The following XXYLT1 variants were observed in gnomAD, a reference collection of about 807,000 sequenced individuals.
XXYLT1 encodes UDP-xylose:alpha-xyloside alpha-1,3-xylosyltransferase.
XXYLT1 carries 20 observed loss-of-function variants against 28.9 expected under a neutral mutation model. The ratio of observed to expected loss-of-function variants is 0.69; its 90% confidence interval spans 0.49 to 1.00. The LOEUF (loss-of-function observed/expected upper bound fraction) is 1.00. Ranked by LOEUF, XXYLT1 falls within the 50% of genes least tolerant of loss-of-function variation. XXYLT1 has a pLI of 0.00. For missense variants in XXYLT1, 542 were observed against 560.1 expected, an observed-to-expected ratio of 0.97 and a Z score of 0.33; for synonymous variants, 257 against 253.8, an observed-to-expected ratio of 1.01 and a Z score of -0.12.
chr3:195,213,010 G>T (rs914801384), intron 2 of XXYLT1, among the ~76,000 whole-genome samples: 1 of 152,106 alleles, frequency 6.6e-6, no homozygotes, highest in Non-Finnish European at 1.5e-5. Flanking sequence ...CATGATCCAC[G>T]GAAAGTCCTC....
At chr3:195,232,629 T>C (rs1346314884) in intron 1 of XXYLT1, among the ~76,000 whole-genome samples, 1 of 152,210 alleles carries the variant, frequency 6.6e-6, no homozygotes, top group Non-Finnish European at 1.5e-5. Context: ...TCTTAACCTC[T>C]TCATTGACCA....
At chr3:195,261,922 T>C (rs1479292840) in intron 1 of XXYLT1, among the ~76,000 whole-genome samples, 1 of 152,202 alleles carries the variant, frequency 6.6e-6, no homozygotes, top group Non-Finnish European at 1.5e-5. Flanking sequence ...CTGGTGGGAA[T>C]GTAAAATGGT....
rs1480601195 is a variant in XXYLT1, at chr3:195,078,506, TC to T, written c.786-8396del. On this transcript the variant is annotated intron_variant, in intron 3 of 3. Coordinates refer to ENST00000310380, the MANE Select transcript of XXYLT1 (RefSeq NM_152531.5). This position sits in a 1 kb window ranked among gnomAD's most constrained non-coding sequence, Gnocchi z 5.0. ...CCTGGCCCTCTGGGCACGAGATGTG[TC>T]CCACCAAGTTCCCTCCAGCCTACCT... Among the ~76,000 whole-genome samples, 1 of 151,986 alleles carries T rather than the reference TC, an allele frequency of 6.6e-6. No individual in the cohort carries two copies. Among genetic ancestry groups the T allele is most frequent in the African/African-American group, 2.4e-5 (1 of 41,356 alleles).
chr3:195,225,190 A>G (rs141573350), intron 2 of XXYLT1, among the ~76,000 whole-genome samples: 10 of 152,302 alleles, frequency 6.6e-5, no homozygotes, highest in Non-Finnish European at 1.3e-4. Context: ...GTCACTGCAA[A>G]GGCTCACCAA....
Position 195,070,092 on chromosome 3 carries a change from G to A in XXYLT1, c.805C>T (p.Arg269Cys), listed in dbSNP as rs371629665. 20 of 1,575,082 alleles carry A rather than the reference G, an allele frequency of 1.3e-5. No individual in the cohort carries two copies. The highest frequency in any genetic ancestry group is 1.8e-5 in the Admixed American group (1 of 56,896). The change falls in exon 4 of 4, where the codon CGC (arginine) becomes TGC (cysteine). Residue 269 changes from arginine to cysteine, a missense_variant. By Grantham distance (180) the Arg-to-Cys change is radical (BLOSUM62 -3). Transcript: ENST00000310380. ...PVYRHTFWQF[R>C]HENPQTRVGG... ...ACCCGGGTCTGGGGGTTCTCATGGC[G>A]GAACTGCCAGAATGTGTGCCTGTGG...
chr3:195,120,009 G>A (rs1477684574), intron 3 of XXYLT1, among the ~76,000 whole-genome samples: 2 of 152,196 alleles, frequency 1.3e-5, no homozygotes, highest in African/African-American at 2.4e-5. Context: ...ATTCCTGCTC[G>A]TGACTGGGGT....
At chr3:195,164,990 G>C (rs1191696543) in intron 2 of XXYLT1, among the ~76,000 whole-genome samples, 1 of 152,086 alleles carries the variant, frequency 6.6e-6, no homozygotes. Context: ...TATTTCCAGT[G>C]AAAATTGGAG....
intron 3 of XXYLT1, among the ~76,000 whole-genome samples, chr3:195,088,155 G>A (rs570075559): frequency 6.1e-4 from 68 of 112,246 alleles, no homozygotes; most frequent in South Asian, 1.4e-3. Context: ...CAAAGCAGCC[G>A]GGAAGCTCGA....
chr3:195,195,874 G>A lies in XXYLT1; in HGVS notation c.652+30835C>T, dbSNP rs1722605087. Among the ~76,000 whole-genome samples, 2 of 152,186 alleles carry A rather than the reference G, an allele frequency of 1.3e-5. 1 individual carries two copies. The highest frequency in any genetic ancestry group is 4.1e-4 in the South Asian group (2 of 4,834). Reference sequence around the variant, plus strand: ...ATTGAAGTATCCAATGAGCTCCAGTGAGCCTGAGCCTGGTCAGGACCTCCA... The same window carrying A: ...ATTGAAGTATCCAATGAGCTCCAGTAAGCCTGAGCCTGGTCAGGACCTCCA... On this transcript the variant is annotated intron_variant, in intron 2 of 3. Coordinates refer to ENST00000310380, the MANE Select transcript of XXYLT1 (RefSeq NM_152531.5). This position sits in a 1 kb window ranked among gnomAD's most constrained non-coding sequence, Gnocchi z 4.4.
intron 3 of XXYLT1, among the ~76,000 whole-genome samples, chr3:195,071,741 A>C (rs756931819): frequency 6.6e-6 from 1 of 152,092 alleles, no homozygotes; most frequent in Non-Finnish European, 1.5e-5. Flanking sequence ...CCAGTGGTTC[A>C]TTTCAGGACC....
At position 195,173,116 on chromosome 3, in the gene XXYLT1, T is replaced by C. The variant is rs909408728; in HGVS notation, c.653-16535A>G. Among the ~76,000 whole-genome samples the C allele has an allele frequency of 5.9e-5, 9 of 152,176 alleles. No homozygotes were observed. The highest frequency in any genetic ancestry group is 2.2e-4 in the African/African-American group (9 of 41,436). On this transcript the variant is annotated intron_variant, in intron 2 of 3. Transcript: ENST00000310380. The surrounding 1 kb of genome is among the most constrained non-coding windows in gnomAD (Gnocchi z 4.3). The stretch of plus-strand genomic sequence containing the variant: ...TGATCCTGGCGTCCTGGTACACATC[T>C]TGCAAGTCCATCAGGAGCTCTGGCT...
In XXYLT1 at chr3:195,176,573, A is replaced by G. The variant is rs1170164895; in HGVS notation, c.653-19992T>C. 2.0e-5 allele frequency among the ~76,000 whole-genome samples: 3 copies of G among 152,146 alleles called. No individual in the cohort carries two copies. Among genetic ancestry groups the G allele is most frequent in the Admixed American group, 6.5e-5 (1 of 15,274 alleles). Reference sequence around the variant, plus strand: ...TCTGACACACTGGTATAATTTGATTAATTTATCGTGTTTATTAAGCTCCCT... The same window carrying G: ...TCTGACACACTGGTATAATTTGATTGATTTATCGTGTTTATTAAGCTCCCT... On this transcript the variant is annotated intron_variant, in intron 2 of 3. Coordinates refer to ENST00000310380, the MANE Select transcript of XXYLT1 (RefSeq NM_152531.5). This position sits in a 1 kb window ranked among gnomAD's most constrained non-coding sequence, Gnocchi z 4.9.
At chr3:195,138,399 A>AGG (rs1719306525) in intron 3 of XXYLT1, among the ~76,000 whole-genome samples, 1 of 152,178 alleles carries the variant, frequency 6.6e-6, no homozygotes, top group Admixed American at 6.5e-5. Context: ...GTCCTTGACT[A>AGG]ATAAGGTCAT....
intron 3 of XXYLT1, among the ~76,000 whole-genome samples, chr3:195,088,205 C>G (rs890246371): frequency 6.6e-6 from 1 of 151,498 alleles, no homozygotes; most frequent in Non-Finnish European, 1.5e-5. Context: ...GGCCTGCCTG[C>G]CTCTGTAGGC....
chr3:195,228,873 C>T (rs1040666225), intron 1 of XXYLT1, among the ~76,000 whole-genome samples: 3 of 150,928 alleles, frequency 2.0e-5, no homozygotes, highest in Admixed American at 6.6e-5. Flanking sequence ...AGTGCAGTGG[C>T]GTGATCTCGG....
Position 195,110,296 on chromosome 3 carries a change from T to TGTG in XXYLT1, c.786-40188_786-40186dup, listed in dbSNP as rs1264687547. 2.3e-3 allele frequency among the ~76,000 whole-genome samples: 14 copies of TGTG among 5,980 alleles called. 1 individual carries two copies. Among genetic ancestry groups the TGTG allele is most frequent in the African/African-American group, 3.1e-3 (5 of 1,638 alleles). The allele number at this position is 5,980 out of a possible 152,430, so 3.9% of individuals were successfully genotyped here. ...GGTGTGTGTGGGGTGTATGTGTGCG[T>TGTG]GTGTGGTATATGTGTGTGTGGGTGA... On this transcript the variant is annotated intron_variant, in intron 3 of 3. Transcript: ENST00000310380.
intron 1 of XXYLT1, among the ~76,000 whole-genome samples, chr3:195,237,004 A>C (rs184079215): frequency 3.2e-4 from 48 of 152,098 alleles, no homozygotes; most frequent in African/African-American, 1.1e-3. Context: ...CCTCTCCTCT[A>C]ACAGAAGGAG....
chr3:195,188,655 T>C (rs1722299885), intron 2 of XXYLT1, among the ~76,000 whole-genome samples: 1 of 152,208 alleles, frequency 6.6e-6, no homozygotes, highest in Admixed American at 6.5e-5. Context: ...AGAACCCTCT[T>C]GGGCTAAGCC....
rs887551010 is a variant in XXYLT1, at chr3:195,259,875, G to A, written c.504+10680C>T. 1.8e-5 allele frequency: 3 copies of A among 165,660 alleles called. No homozygotes were observed. The Admixed American group carries it at 2.0e-4, about 11-fold the overall frequency. The allele number at this position is 165,660 out of a possible 1,614,324, so 10.3% of individuals were successfully genotyped here. On this transcript the variant is annotated intron_variant, in intron 1 of 3. Transcript: ENST00000310380. ...TGACGGGGACCGGGCGGACTGGAAA[G>A]GATGTGGCTGGGGCCCCGGGGAGGA...
Sources: gnomAD v4.1 joint callset for allele counts (sites outside exome capture counted in the v4.1 genomes callset) on GRCh38, gnomAD v4.1.1 for gene constraint, Gnocchi (gnomAD v3.1) non-coding constraint, MANE v1.5 for transcripts, NCBI Gene and HGNC (gene_info 2026-07-23, HGNC 2026-07-21) for gene names.